GCFC2: variants seen among roughly 807,000 people sequenced by gnomAD.
The protein encoded by GCFC2 is GC-rich sequence DNA-binding factor 2.
Under a neutral mutation model 99.4 loss-of-function variants are expected in GCFC2, and 102 were observed. The ratio of observed to expected loss-of-function variants is 1.03; its 90% confidence interval spans 0.87 to 1.21. GCFC2 has a LOEUF of 1.21. Ranked by LOEUF, GCFC2 falls within the 50% of genes most tolerant of loss-of-function variation. The pLI is 0.00. For synonymous variants in GCFC2, 338 were observed against 316.8 expected (o/e 1.07, Z -0.71); for missense variants, 973 against 920.9 (o/e 1.06, Z -0.73).
At chr2:75,702,042 T>A in intron 3 of GCFC2, 157 bp downstream of exon 3, 1 of 1,425,676 alleles carries the variant, frequency 7.0e-7, no homozygotes, top group South Asian at 1.6e-5. Context: ...TACAGATACA[T>A]CTTTTAGAGG....
At chr2:75,695,053 A>C (rs1186470940) in intron 5 of GCFC2, among the ~76,000 whole-genome samples, 1 of 152,186 alleles carries the variant, frequency 6.6e-6, no homozygotes, top group African/African-American at 2.4e-5. Flanking sequence ...ATAAAATATA[A>C]TAAAGTTATC....
chr2:75,679,562 G>C (rs896016846), intron 12 of GCFC2, among the ~76,000 whole-genome samples: 2 of 152,164 alleles, frequency 1.3e-5, no homozygotes, highest in African/African-American at 4.8e-5. Context: ...CTGTTTTACT[G>C]AACTTTGAAT....
At chr2:75,702,010 C>G in intron 3 of GCFC2, 189 bp downstream of exon 3, 1 of 1,393,554 alleles carries the variant, frequency 7.2e-7, no homozygotes, top group Non-Finnish European at 9.3e-7. Flanking sequence ...ATTACACATA[C>G]TCCTTGATAA....
chr2:75,687,300 A>C (rs1679864712), intron 11 of GCFC2, among the ~76,000 whole-genome samples: 1 of 152,158 alleles, frequency 6.6e-6, no homozygotes, highest in African/African-American at 2.4e-5. Flanking sequence ...AAAAAAGGAC[A>C]CATGTAGTAT....
intron 5 of GCFC2, among the ~76,000 whole-genome samples, chr2:75,694,954 C>T (rs1265969153): frequency 6.6e-6 from 1 of 152,002 alleles, no homozygotes; most frequent in East Asian, 1.9e-4. Flanking sequence ...TAATTTACTT[C>T]GTTCTGTATA....
intron 5 of GCFC2, among the ~76,000 whole-genome samples, 175 bp downstream of exon 5, chr2:75,696,025 G>T (rs1018813490): frequency 1.3e-5 from 2 of 152,094 alleles, no homozygotes; most frequent in African/African-American, 4.8e-5. Context: ...ATATGGGGGG[G>T]ACTAGTGTAT....
rs769100846 is a variant in GCFC2, at chr2:75,691,998, T to C, written c.1123A>G (p.Thr375Ala). ...TAACGTGATAACTGTTGTAAATACG[T>C]TGATTCATGTTTTAATTCATCTTGC... ...RRQDELKHES[T>A]YLQQLSRKDE... is the part of the protein sequence containing the mutation. Residue 375 changes from threonine to alanine, a missense_variant, in exon 7 of 17, where the codon ACG becomes GCG. Thr to Ala is a moderately conservative substitution (Grantham distance 58). Transcript: ENST00000321027. The C allele has an allele frequency of 6.5e-7, 1 of 1,546,338 alleles. No homozygotes were observed. The highest frequency in any genetic ancestry group is 1.3e-5 in the South Asian group (1 of 79,692).
chr2:75,683,224 C>A (rs1679654658), intron 11 of GCFC2, among the ~76,000 whole-genome samples: 1 of 151,862 alleles, frequency 6.6e-6, no homozygotes, highest in Non-Finnish European at 1.5e-5. Context: ...AATGGAAGCC[C>A]ATCAGACTAA....
intron 4 of GCFC2, chr2:75,697,754 C>G (rs1313424278): frequency 2.0e-5 from 3 of 152,166 alleles, no homozygotes; most frequent in Admixed American, 2.0e-4. Context: ...GGTCTGAATA[C>G]AATTACATGT....
chr2:75,667,496 T>A (rs1678897993), intron 15 of GCFC2, among the ~76,000 whole-genome samples: 1 of 152,196 alleles, frequency 6.6e-6, no homozygotes, highest in Admixed American at 6.5e-5. Context: ...GGAAAAAGAA[T>A]TCTACTCCTT....
chr2:75,691,879 T>C, intron 7 of GCFC2, 98 bp downstream of exon 7: 4 of 603,702 alleles, frequency 6.6e-6, no homozygotes, highest in Non-Finnish European at 9.5e-6. Context: ...TGTGGGAAAA[T>C]ACATGAAAAA....
At chr2:75,701,354 T>A (rs908033229) in intron 3 of GCFC2, 67 bp from the exon 4 acceptor site, 12 of 854,246 alleles carry the variant, frequency 1.4e-5, no homozygotes, top group Admixed American at 2.0e-5. Context: ...CAAGCCAACA[T>A]TTTTTGAGAT....
At chr2:75,696,540 A>G (rs546496491) in intron 4 of GCFC2, among the ~76,000 whole-genome samples, 169 of 152,314 alleles carry the variant, frequency 1.1e-3, no homozygotes, top group Non-Finnish European at 1.8e-3. Context: ...CATTTTTAAA[A>G]AAGTTTAGTT....
At chr2:75,682,754 AC>A (rs1679636322) in intron 11 of GCFC2, among the ~76,000 whole-genome samples, 1 of 151,874 alleles carries the variant, frequency 6.6e-6, no homozygotes, top group Admixed American at 6.5e-5. Flanking sequence ...AATACAAATG[AC>A]CTGATGAAGC....
intron 12 of GCFC2, 86 bp downstream of exon 12, chr2:75,680,107 C>T (rs1355452279): frequency 1.6e-5 from 14 of 891,266 alleles, no homozygotes; most frequent in Non-Finnish European, 1.7e-6. Context: ...ATAATCACTT[C>T]TGCATCTTTT....
chr2:75,685,374 T>C (rs1183098139), intron 11 of GCFC2, among the ~76,000 whole-genome samples: 1 of 152,210 alleles, frequency 6.6e-6, no homozygotes, highest in African/African-American at 2.4e-5. Flanking sequence ...CCTTATCTCT[T>C]ATCAGCCTAC....
rs1232764701 is a variant in GCFC2, at chr2:75,696,455, A to G, written c.718-140T>C. On this transcript the variant is annotated intron_variant, in intron 4 of 16. Transcript: ENST00000321027. ...TGTCTTTGTAATTTTTCATGGTCCC[A>G]ATAAAATGTTTTTAAATTCAGTTTT... 1.7e-4 allele frequency: 79 copies of G among 473,072 alleles called. No homozygotes were observed. In the East Asian group the frequency reaches 2.6e-3, roughly 16 times the overall value. 29.3% of individuals were successfully genotyped at this position (473,072 alleles called of 1,614,324 possible).
Position 75,706,659 on chromosome 2 carries a change from G to T in GCFC2, c.266-8C>A. 6.5e-7 allele frequency: 1 copy of T among 1,545,160 alleles called. No homozygotes were observed. Among genetic ancestry groups the T allele is most frequent in the Non-Finnish European group, 8.8e-7 (1 of 1,136,278 alleles). ...CATCAAGGGTTCTGGATTCTAACAG[G>T]ACATTTTAAAAATACAACAAAAAAG... On this transcript the variant is annotated splice_region_variant and splice_polypyrimidine_tract_variant and intron_variant, in intron 1 of 16. Coordinates refer to ENST00000321027, the MANE Select transcript of GCFC2 (RefSeq NM_003203.5).
At chr2:75,710,935 CT>C, upstream of GCFC2, 1 of 1,376,654 alleles carries the variant, frequency 7.3e-7, no homozygotes, top group South Asian at 1.7e-5. Context: ...CTAGGGCGCG[CT>C]CCCGCCGCGC....
Sources: gnomAD v4.1 joint callset for allele counts (sites outside exome capture counted in the v4.1 genomes callset) on GRCh38, gnomAD v4.1.1 for gene constraint, MANE v1.5 for transcripts, NCBI Gene and HGNC (gene_info 2026-07-23, HGNC 2026-07-21) for gene names.